The following RARS2 variants were observed in gnomAD, a reference collection of about 807,000 sequenced individuals.
RARS2 encodes probable arginine--tRNA ligase, mitochondrial.
In RARS2, 67 loss-of-function variants were observed where a neutral mutation model predicts 88.5. That is an observed-to-expected ratio of 0.76 (90% confidence interval 0.62 to 0.93). The LOEUF (loss-of-function observed/expected upper bound fraction) is 0.93, where lower values mean the gene tolerates loss of function less well. Among genes scored for constraint, RARS2 ranks in the 40% least tolerant of loss-of-function variants. RARS2 has a pLI of 0.00. For synonymous variants in RARS2, 239 were observed against 230.3 expected, an observed-to-expected ratio of 1.04 and a Z score of -0.34; for missense variants, 664 against 684.2, an observed-to-expected ratio of 0.97 and a Z score of 0.33.
intron 8 of RARS2, among the ~76,000 whole-genome samples, chr6:87,535,693 T>C (rs2128086029): frequency 6.7e-6 from 1 of 149,822 alleles, no homozygotes; most frequent in South Asian, 2.1e-4. Context: ...TTTTTTTTTT[T>C]TGAGACAGAG....
chr6:87,518,616 C>T lies in RARS2; in HGVS notation c.1415+14G>A. 1 of 1,600,506 alleles carries T rather than the reference C, an allele frequency of 6.2e-7. No individual in the cohort carries two copies. Among genetic ancestry groups the T allele is most frequent in the Non-Finnish European group, 8.6e-7 (1 of 1,168,178 alleles). ...CACAGTGCAGCACAAGGTTTCCCTG[C>T]AGCCTCTTCTCACCTGTGGAGGCGG... On this transcript the variant is annotated intron_variant, in intron 16 of 19. Coordinates refer to ENST00000369536, the MANE Select transcript of RARS2 (RefSeq NM_020320.5).
chr6:87,576,363 G>A (rs1179783484), intron 1 of RARS2, among the ~76,000 whole-genome samples: 1 of 93,758 alleles, frequency 1.1e-5, no homozygotes, highest in Non-Finnish European at 2.0e-5. Context: ...TGCAAGCTCC[G>A]CCTCCCGGGT....
intron 1 of RARS2, among the ~76,000 whole-genome samples, chr6:87,580,434 AAAC>A (rs1773129094): frequency 6.6e-6 from 1 of 152,032 alleles, no homozygotes; most frequent in Non-Finnish European, 1.5e-5. Context: ...CTTGAGAAGT[AAAC>A]TAAACAACAC....
intron 8 of RARS2, among the ~76,000 whole-genome samples, chr6:87,540,743 G>C (rs1427219504): frequency 1.3e-5 from 2 of 152,170 alleles, no homozygotes; most frequent in African/African-American, 4.8e-5. Context: ...CATCCCTGGA[G>C]ATTGTTTGGA....
intron 5 of RARS2, among the ~76,000 whole-genome samples, chr6:87,552,596 C>G (rs1784702186): frequency 6.6e-6 from 1 of 151,944 alleles, no homozygotes; most frequent in East Asian, 1.9e-4. Context: ...ATACAACTCA[C>G]ATAGAACAGG....
chr6:87,539,201 C>T (rs183117119), intron 8 of RARS2, among the ~76,000 whole-genome samples: 1 of 152,234 alleles, frequency 6.6e-6, no homozygotes, highest in Admixed American at 6.5e-5. Context: ...CACTCTAAAT[C>T]AATGACACAA....
intron 8 of RARS2, among the ~76,000 whole-genome samples, chr6:87,536,716 C>A (rs1390839829): frequency 6.6e-6 from 1 of 151,444 alleles, no homozygotes; most frequent in Non-Finnish European, 1.5e-5. Context: ...TTGTCTAAAG[C>A]TTATTGCAAA....
Position 87,514,996 on chromosome 6 carries a change from T to C in RARS2, c.1611A>G (p.Lys537=). ...GAGGACTATCTTTTATTTGTAGTGT[T>C]TTGTGTGCCACAGCTGCAAGATGAC... ...TLSHLAAVAH[K]TLQIKDSPPE... Residue 537 remains lysine (K), a synonymous_variant, in exon 19 of 20, where the codon AAA becomes AAG. Transcript: ENST00000369536. 6.2e-7 allele frequency: 1 copy of C among 1,613,582 alleles called. No homozygotes were observed.
intron 4 of RARS2, 70 bp from the exon 5 acceptor site, chr6:87,555,575 T>A: frequency 8.1e-7 from 1 of 1,235,710 alleles, no homozygotes; most frequent in Non-Finnish European, 1.2e-6. Flanking sequence ...TTACTGAGAA[T>A]TAAATGTTGC....
intron 1 of RARS2, among the ~76,000 whole-genome samples, chr6:87,571,586 G>C (rs1270263410): frequency 6.6e-6 from 1 of 152,042 alleles, no homozygotes. Flanking sequence ...CTGTAGAATT[G>C]GGAAAAAGAG....
At chr6:87,575,712 C>T (rs1216121497) in intron 1 of RARS2, among the ~76,000 whole-genome samples, 1 of 152,050 alleles carries the variant, frequency 6.6e-6, no homozygotes, top group Non-Finnish European at 1.5e-5. Context: ...AAGGGAAAAA[C>T]TTCCACGAAA....
chr6:87,518,130 A>G, intron 17 of RARS2, 39 bp downstream of exon 17: 1 of 1,614,072 alleles, frequency 6.2e-7, no homozygotes, highest in South Asian at 1.1e-5. Flanking sequence ...CATTTTGATA[A>G]GCAGAAGCAC....
At chr6:87,586,900 ATTTATTT>A (rs1387595505) in intron 1 of RARS2, among the ~76,000 whole-genome samples, 1 of 150,730 alleles carries the variant, frequency 6.6e-6, no homozygotes. Flanking sequence ...TTATTTATTT[ATTTATTT>A]ATTTATTTAT....
At chr6:87,527,017 A>G (rs1194200015) in intron 10 of RARS2, among the ~76,000 whole-genome samples, 2 of 151,966 alleles carry the variant, frequency 1.3e-5, no homozygotes, top group African/African-American at 2.4e-5. Flanking sequence ...ACAATAAGAA[A>G]GGGACAGTCT....
Position 87,556,174 on chromosome 6 carries a change from C to G in RARS2, c.298-669G>C, listed in dbSNP as rs142433858. On this transcript the variant is annotated intron_variant, in intron 4 of 19. Coordinates refer to ENST00000369536, the MANE Select transcript of RARS2 (RefSeq NM_020320.5). ...CCCACAGAAACTTCCCAAACATATT[C>G]CAGGTTAGTTTTTAGTTATTAACAT... Among the ~76,000 whole-genome samples, 322 of 152,206 alleles carry G rather than the reference C, an allele frequency of 2.1e-3. 2 individuals are homozygous for G. Among genetic ancestry groups the G allele is most frequent in the African/African-American group, 7.0e-3 (292 of 41,512 alleles).
At chr6:87,523,855 G>T (rs771679606) in intron 11 of RARS2, among the ~76,000 whole-genome samples, 16 of 152,008 alleles carry the variant, frequency 1.1e-4, no homozygotes, top group Non-Finnish European at 2.2e-4. Context: ...TGCTTATCTA[G>T]AAAAATAATG....
chr6:87,569,535 A>G lies in RARS2; in HGVS notation c.92T>C (p.Val31Ala). ...PENLITSISA[V>A]PISQKEEVAD... ...ACTTAACTCTTTTTGGGAAATTGGA[A>G]CTGCAGATATTGATGTGATCAAGTT... Residue 31 changes from valine to alanine, a missense_variant, in exon 2 of 20, where the codon GTT (valine) becomes GCT (alanine). Val to Ala is a moderately conservative substitution (Grantham distance 64, BLOSUM62 0). Transcript: ENST00000369536. 1 of 1,601,272 alleles carries G rather than the reference A, an allele frequency of 6.2e-7. No individual in the cohort carries two copies. The highest frequency in any genetic ancestry group is 8.6e-7 in the Non-Finnish European group (1 of 1,168,610).
chr6:87,562,584 T>C (rs1208928342), intron 4 of RARS2, 118 bp downstream of exon 4: 5 of 743,242 alleles, frequency 6.7e-6, no homozygotes, highest in Non-Finnish European at 9.7e-6. Flanking sequence ...TATGGATCAG[T>C]ATGTGCAAAG....
chr6:87,567,872 A>T (rs896555391), intron 2 of RARS2, among the ~76,000 whole-genome samples: 1 of 152,172 alleles, frequency 6.6e-6, no homozygotes, highest in African/African-American at 2.4e-5. Flanking sequence ...CCCCGGTTCA[A>T]GCGGTTCTCC....
Sources: gnomAD v4.1 joint callset for allele counts (sites outside exome capture counted in the v4.1 genomes callset) on GRCh38, gnomAD v4.1.1 for gene constraint, MANE v1.5 for transcripts, NCBI Gene and HGNC (gene_info 2026-07-23, HGNC 2026-07-21) for gene names.